Variants in ABCC2 observed in about 807,000 individuals in gnomAD.
The protein encoded by ABCC2 is ATP binding cassette subfamily C member 2, also known as ATP-binding cassette sub-family C member 2.
ABCC2 carries 157 observed loss-of-function variants against 173.4 expected under a neutral mutation model. The ratio of observed to expected loss-of-function variants is 0.91; its 90% CI spans 0.80 to 1.03. The LOEUF (loss-of-function observed/expected upper bound fraction) is 1.03, where lower values mean the gene tolerates loss of function less well. Ranked by LOEUF, ABCC2 falls within the 50% of genes least tolerant of loss-of-function variation. The pLI is 0.00. For synonymous variants in ABCC2, 657 were observed against 693.5 expected, an observed-to-expected ratio of 0.95 and a Z score of 0.83; for missense variants, 1,822 against 1,852.3, an observed-to-expected ratio of 0.98 and a Z score of 0.30.
In ABCC2 at chr10:99,834,128, C is replaced by T. The variant is rs754510432; in HGVS notation, c.3259-252C>T. On this transcript the variant is annotated intron_variant, in intron 23 of 31. Coordinates refer to ENST00000647814, the MANE Select transcript of ABCC2 (RefSeq NM_000392.5). ...AACTCCCGATCTCAGGTGATCCACC[C>T]GCCTCGGCCTTGCAAAGTGCTGGGA... is the stretch of plus-strand genomic sequence containing the variant. 2.0e-4 allele frequency among the ~76,000 whole-genome samples: 31 copies of T among 152,178 alleles called. 1 individual carries two copies. The highest frequency in any genetic ancestry group is 6.5e-4 in the African/African-American group (27 of 41,428).
chr10:99,841,379 C>T (rs1205695114), intron 25 of ABCC2, among the ~76,000 whole-genome samples: 3 of 152,048 alleles, frequency 2.0e-5, no homozygotes, highest in Non-Finnish European at 4.4e-5. Context: ...ATGATGAAAT[C>T]CTGGCTCTAC....
rs188034361 is a variant in ABCC2 at position 99,793,750 on chromosome 10, T to C, written c.468+65T>C. 1.5e-5 allele frequency: 24 copies of C among 1,607,290 alleles called. No individual in the cohort carries two copies. The East Asian group carries it at 4.7e-4, about 31-fold the overall frequency. ...GGGGCAACCTCTAACTCATAGTAAA[T>C]GGCATCAAGTTGAGCTCCAGGATCG... On this transcript the variant is annotated intron_variant, in intron 4 of 31. Transcript: ENST00000647814.
At chr10:99,795,723 G>T (rs2037890589) in intron 6 of ABCC2, among the ~76,000 whole-genome samples, 1 of 116,904 alleles carries the variant, frequency 8.6e-6, no homozygotes, top group African/African-American at 3.4e-5. Context: ...AGAGAGAGAA[G>T]AAAGAAAGAA....
intron 3 of ABCC2, among the ~76,000 whole-genome samples, chr10:99,792,594 GAT>G (rs1425425077): frequency 6.6e-6 from 1 of 152,190 alleles, no homozygotes; most frequent in Non-Finnish European, 1.5e-5. Flanking sequence ...TCATGACTAA[GAT>G]GTATATCTTA....
In ABCC2 at chr10:99,805,456, C is replaced by T; in HGVS notation, c.1530+9C>T. ...TTCTTAGTGGAATCAAGGTGAGAAT[C>T]TGAGCGTAGGTGGCTCTCTGTGGGT... is the stretch of plus-strand genomic sequence containing the variant. On this transcript the variant is annotated intron_variant, in intron 11 of 31. Transcript: ENST00000647814. 2 of 1,613,546 alleles carry T rather than the reference C, an allele frequency of 1.2e-6. No individual in the cohort carries two copies. The highest frequency in any genetic ancestry group is 1.7e-6 in the Non-Finnish European group (2 of 1,179,548).
At chr10:99,848,174 G>A (rs1357172893) in intron 30 of ABCC2, among the ~76,000 whole-genome samples, 1 of 152,212 alleles carries the variant, frequency 6.6e-6, no homozygotes, top group Non-Finnish European at 1.5e-5. Flanking sequence ...CTGATCTAAA[G>A]AGCATGCGGA....
chr10:99,837,137 CTTT>C (rs34959207), intron 25 of ABCC2, among the ~76,000 whole-genome samples: 8 of 104,678 alleles, frequency 7.6e-5, no homozygotes, highest in East Asian at 2.7e-4. Context: ...TGAGAAAGTC[CTTT>C]TTTTTTTTTT....
chr10:99,808,760 A>C (rs142385678), intron 13 of ABCC2, among the ~76,000 whole-genome samples: 15 of 152,306 alleles, frequency 9.8e-5, no homozygotes, highest in African/African-American at 3.6e-4. Flanking sequence ...AGTCACTGAT[A>C]TGCGACAAGT....
chr10:99,812,941 G>T, intron 15 of ABCC2, 77 bp from the exon 16 acceptor site: 1 of 1,575,264 alleles, frequency 6.3e-7, no homozygotes, highest in South Asian at 1.1e-5. Context: ...ACTTCATGGA[G>T]ACTCAGAGAA....
At chr10:99,800,330 A>T (rs1404368395) in intron 8 of ABCC2, 56 bp from the exon 9 acceptor site, 1 of 1,573,704 alleles carries the variant, frequency 6.4e-7, no homozygotes, top group Non-Finnish European at 8.7e-7. Flanking sequence ...GTGCATGAGG[A>T]GAGAGGCATC....
rs765904512 is a variant in ABCC2 at position 99,845,800 on chromosome 10, C to T, written c.4146+18C>T. 1.9e-5 allele frequency: 31 copies of T among 1,604,390 alleles called. No homozygotes were observed. The highest frequency in any genetic ancestry group is 2.4e-5 in the Non-Finnish European group (28 of 1,176,050). ...TCCCCCAGGTGAGCTCTAGAACTTA[C>T]TCGGGCACATGCCGTGGGGAGCAGC... On this transcript the variant is annotated intron_variant, in intron 29 of 31. Coordinates refer to ENST00000647814, the MANE Select transcript of ABCC2 (RefSeq NM_000392.5).
At chr10:99,842,215 G>T in intron 26 of ABCC2, 122 bp downstream of exon 26, 1 of 1,409,652 alleles carries the variant, frequency 7.1e-7, no homozygotes. Context: ...AAAGAAGACT[G>T]AGGTTCAAAC....
chr10:99,793,677 C>G lies in ABCC2; in HGVS notation c.460C>G (p.Leu154Val). The stretch of plus-strand genomic sequence containing the variant: ...CCAATTTCAGACTCTGATCCGGACA[C>G]TCTTACAGGTAAGGAAAAAAAGAGT... ...TFQFQTLIRT[L>V]LQGDNSNLAY... is the part of the protein sequence containing the mutation. Residue 154 changes from leucine to valine, a missense_variant, in exon 4 of 32, where the codon CTC becomes GTC. Physicochemically the swap from Leu to Val is conservative, Grantham distance 32. Coordinates refer to ENST00000647814, the MANE Select transcript of ABCC2 (RefSeq NM_000392.5). The G allele has an allele frequency of 6.2e-7, 1 of 1,614,106 alleles. No individual in the cohort carries two copies. The highest frequency in any genetic ancestry group is 8.5e-7 in the Non-Finnish European group (1 of 1,179,998).
At chr10:99,830,221 G>C in intron 19 of ABCC2, 86 bp from the exon 20 acceptor site, 1 of 1,568,732 alleles carries the variant, frequency 6.4e-7, no homozygotes, top group Non-Finnish European at 8.8e-7. Context: ...AAACCAGCAA[G>C]ATCAGAGGAG....
chr10:99,831,788 G>C lies in ABCC2; in HGVS notation c.3061G>C (p.Asp1021His), dbSNP rs753889614. 1.2e-6 allele frequency: 2 copies of C among 1,614,178 alleles called. No homozygotes were observed. The highest frequency in any genetic ancestry group is 1.1e-5 in the South Asian group (1 of 91,080). The part of the protein sequence containing the change: ...NSTDYPASQR[D>H]MRVGVYGALG... ...CACCGACTATCCAGCATCTCAGAGG[G>C]ACATGAGAGTTGGAGTCTACGGAGC... Residue 1021 changes from aspartate to histidine, a missense_variant, in exon 22 of 32, where the codon GAC (aspartate) becomes CAC (histidine). Transcript: ENST00000647814.
chr10:99,824,642 G>A (rs866457422), intron 19 of ABCC2, among the ~76,000 whole-genome samples: 401 of 149,196 alleles, frequency 2.7e-3, no homozygotes, highest in African/African-American at 9.2e-3. Flanking sequence ...CAAATTTTTC[G>A]CAATCCTGCT....
chr10:99,831,716 A>C lies in ABCC2; in HGVS notation c.2989A>C (p.Asn997His). ...GAATTCTGTGGCTTTTATTGGATCC[A>C]ACCTCTGGCTCAGTGCTTGGACCAG... ...VMNSVAFIGSNLWLSAWTSDS... is the reference protein window; with the variant it reads ...VMNSVAFIGSHLWLSAWTSDS... Residue 997 changes from asparagine (N) to histidine (H), a missense_variant, in exon 22 of 32, where the codon AAC (asparagine) becomes CAC (histidine). Asn to His is a moderately conservative substitution (Grantham distance 68). Coordinates refer to ENST00000647814, the MANE Select transcript of ABCC2 (RefSeq NM_000392.5). The C allele has an allele frequency of 6.2e-7, 1 of 1,614,216 alleles. No individual in the cohort carries two copies. The highest frequency in any genetic ancestry group is 8.5e-7 in the Non-Finnish European group (1 of 1,180,024).
intron 16 of ABCC2, among the ~76,000 whole-genome samples, chr10:99,814,241 G>GTGTATATATA (rs1564683994): frequency 1.3e-4 from 5 of 39,686 alleles, no homozygotes; most frequent in Non-Finnish European, 2.0e-4. Flanking sequence ...GTGTATATAT[G>GTGTATATATA]CACACACGTA....
intron 2 of ABCC2, among the ~76,000 whole-genome samples, chr10:99,785,353 GC>G (rs2037688293): frequency 6.6e-6 from 1 of 152,178 alleles, no homozygotes; most frequent in Admixed American, 6.5e-5. Context: ...TGCGGGAGAG[GC>G]CCAGGAGGGG....
Sources: allele counts gnomAD v4.1 joint callset (sites outside exome capture counted in the v4.1 genomes callset), GRCh38; gene constraint gnomAD v4.1.1; transcripts MANE v1.5; gene names NCBI Gene and HGNC (gene_info 2026-07-23, HGNC 2026-07-21).